NFATC3: variants seen among roughly 807,000 people sequenced by gnomAD.
NFATC3 encodes the protein nuclear factor of activated T cells 3.
A neutral mutation model predicts 98.6 loss-of-function variants in NFATC3; 46 were observed. The ratio of observed to expected loss-of-function variants is 0.47; its 90% CI spans 0.37 to 0.60. The LOEUF is 0.60. Among genes scored for constraint, NFATC3 ranks in the 20% least tolerant of loss-of-function variants. NFATC3 has a pLI of 0.00. For synonymous variants in NFATC3, 512 were observed against 472.2 expected, an observed-to-expected ratio of 1.08 and a Z score of -1.09; for missense variants, 1,256 against 1,295.5, an observed-to-expected ratio of 0.97 and a Z score of 0.47.
At position 68,168,865 on chromosome 16, in the gene NFATC3, T is replaced by TA. The variant is rs2039337128; in HGVS notation, c.1774+1851dup. Among the ~76,000 whole-genome samples, 3 of 152,208 alleles carry TA rather than the reference T, an allele frequency of 2.0e-5. No individual in the cohort carries two copies. In the South Asian group the frequency reaches 6.2e-4, roughly 32 times the overall value. On this transcript the variant is annotated intron_variant, in intron 5 of 9. Coordinates refer to ENST00000346183, the MANE Select transcript of NFATC3 (RefSeq NM_173165.3). ...TGTTCGCTGAATTGGAGTGATACTT[T>TA]ATCATTTGCCAGTTGACTCTGGGAA... is the stretch of plus-strand genomic sequence containing the variant.
chr16:68,163,820 C>T lies in NFATC3; in HGVS notation c.1602-3023C>T, dbSNP rs530913417. On this transcript the variant is annotated intron_variant, in intron 4 of 9. Coordinates refer to ENST00000346183, the MANE Select transcript of NFATC3 (RefSeq NM_173165.3). The stretch of plus-strand genomic sequence containing the variant: ...CAGACGATGGGCGGCCGGGCAGAGA[C>T]GCTCCTCACTTCCTAGATGGGATGG... Among the ~76,000 whole-genome samples, 1,012 of 151,164 alleles carry T rather than the reference C, an allele frequency of 6.7e-3. 6 individuals are homozygous for T. Among genetic ancestry groups the T allele is most frequent in the African/African-American group, 0.023 (930 of 41,042 alleles).
chr16:68,158,102 T>G, intron 4 of NFATC3, 34 bp downstream of exon 4: 1 of 1,422,212 alleles, frequency 7.0e-7, no homozygotes, highest in Non-Finnish European at 9.7e-7. Flanking sequence ...GTGCAGTTCT[T>G]TTTTTCTCTA....
rs575779522 is a variant in NFATC3, at chr16:68,155,821, C to A, written c.1402-2048C>A. Among the ~76,000 whole-genome samples the A allele has an allele frequency of 3.7e-4, 57 of 152,278 alleles. No individual in the cohort carries two copies. In the South Asian group the frequency reaches 0.011, roughly 30 times the overall value. ...TTAAAACAATAAACAACCATACACA[C>A]ACACACAAGAAAATGTGGCCCACAT... On this transcript the variant is annotated intron_variant, in intron 3 of 9. Transcript: ENST00000346183.
chr16:68,115,025 G>C (rs973211367), intron 1 of NFATC3, among the ~76,000 whole-genome samples: 1 of 151,844 alleles, frequency 6.6e-6, no homozygotes. Flanking sequence ...TGGTTTCTCC[G>C]GTGAAACACA....
rs202215746 is a variant in NFATC3, at chr16:68,157,151, GA to G, written c.1402-707del. On this transcript the variant is annotated intron_variant, in intron 3 of 9. Coordinates refer to ENST00000346183, the MANE Select transcript of NFATC3 (RefSeq NM_173165.3). ...GCCAGAGCAATTAGGCAATATAAAA[GA>G]AAAAAAAAAAGGCATAGAAAACAAA... Among the ~76,000 whole-genome samples, 808 of 139,824 alleles carry G rather than the reference GA, an allele frequency of 5.8e-3. 10 individuals are homozygous for G. Among genetic ancestry groups the G allele is most frequent in the African/African-American group, 0.018 (691 of 38,290 alleles). 91.7% of individuals were successfully genotyped at this position (139,824 alleles called of 152,430 possible).
At chr16:68,190,643 T>C in intron 8 of NFATC3, 125 bp from the exon 9 acceptor site, 1 of 860,464 alleles carries the variant, frequency 1.2e-6, no homozygotes, top group Non-Finnish European at 1.8e-6. Context: ...TTATATGAAC[T>C]GCCTTCCTTG....
intron 1 of NFATC3, among the ~76,000 whole-genome samples, chr16:68,105,411 C>G (rs1463799757): frequency 6.6e-6 from 1 of 152,060 alleles, no homozygotes; most frequent in African/African-American, 2.4e-5. Context: ...TTTCTTCACT[C>G]TATTAATATG....
At chr16:68,183,463 CT>C in intron 8 of NFATC3, 97 bp downstream of exon 8, 2 of 1,361,470 alleles carry the variant, frequency 1.5e-6, no homozygotes, top group Non-Finnish European at 2.0e-6. Context: ...AGGTAGAGTG[CT>C]TATAAACAAT....
intron 4 of NFATC3, among the ~76,000 whole-genome samples, chr16:68,163,662 G>A (rs1314454834): frequency 2.1e-5 from 3 of 140,474 alleles, no homozygotes; most frequent in South Asian, 2.3e-4. Flanking sequence ...GCTGCCGGGC[G>A]GAGGGTCTCC....
chr16:68,192,253 A>G (rs2040463778), intron 9 of NFATC3: 2 of 97,878 alleles, frequency 2.0e-5, no homozygotes, highest in Non-Finnish European at 4.4e-5. Context: ...ATATATATAT[A>G]TGTATGTGTA....
intron 9 of NFATC3, chr16:68,199,837 C>G (rs1304090281): frequency 6.6e-6 from 1 of 152,162 alleles, no homozygotes; most frequent in Non-Finnish European, 1.5e-5. Flanking sequence ...CCGCCTGCCT[C>G]AGCCTCCCAA....
At chr16:68,180,166 T>C (rs932708781) in intron 6 of NFATC3, among the ~76,000 whole-genome samples, 1 of 152,122 alleles carries the variant, frequency 6.6e-6, no homozygotes, top group African/African-American at 2.4e-5. Flanking sequence ...GTCTAAAATA[T>C]TATGTAAGGA....
chr16:68,088,294 G>A (rs2034498125), intron 1 of NFATC3, among the ~76,000 whole-genome samples: 1 of 148,088 alleles, frequency 6.8e-6, no homozygotes, highest in African/African-American at 2.5e-5. Flanking sequence ...TCAGTGCCTA[G>A]CTAGCACAGT....
chr16:68,139,704 TC>T (rs944190636), intron 3 of NFATC3, among the ~76,000 whole-genome samples: 3 of 152,230 alleles, frequency 2.0e-5, no homozygotes, highest in African/African-American at 7.2e-5. Context: ...TTTCTTTTCT[TC>T]AAAATAAGTT....
Position 68,122,014 on chromosome 16 carries a change from T to C in NFATC3, c.131T>C (p.Ile44Thr). ...CTTGAGCCAGATGATTGTGCATCCA[T>C]TTACATCTTTAATGTAGATCCACCT... ...ADLEPDDCAS[I>T]YIFNVDPPPS... Residue 44 changes from isoleucine (I) to threonine (T), a missense_variant, in exon 2 of 10, where the codon ATT (isoleucine) becomes ACT (threonine). This residue lies in a region of NFATC3 where 464 missense variants were observed against 465.7 expected (regional missense o/e 1.00). Coordinates refer to ENST00000346183, the MANE Select transcript of NFATC3 (RefSeq NM_173165.3). 6.2e-7 allele frequency: 1 copy of C among 1,612,366 alleles called. No individual in the cohort carries two copies. The highest frequency in any genetic ancestry group is 1.7e-5 in the Admixed American group (1 of 59,860).
At chr16:68,171,479 T>G (rs2039457449) in intron 5 of NFATC3, among the ~76,000 whole-genome samples, 1 of 151,020 alleles carries the variant, frequency 6.6e-6, no homozygotes, top group Non-Finnish European at 1.5e-5. Flanking sequence ...CTATCTTTTT[T>G]TTTTTTTTTC....
At chr16:68,094,676 A>G (rs2034911911) in intron 1 of NFATC3, among the ~76,000 whole-genome samples, 1 of 152,310 alleles carries the variant, frequency 6.6e-6, no homozygotes, top group South Asian at 2.1e-4. Context: ...TTTGTCATAC[A>G]TGTTACCTAG....
At chr16:68,204,327 A>G (rs2041052151) in intron 9 of NFATC3, among the ~76,000 whole-genome samples, 2 of 152,318 alleles carry the variant, frequency 1.3e-5, no homozygotes, top group Admixed American at 6.5e-5. Flanking sequence ...AGGCCACTGC[A>G]CTCCAGCCTG....
chr16:68,153,645 G>C lies in NFATC3; in HGVS notation c.1402-4224G>C, dbSNP rs771724904. Among the ~76,000 whole-genome samples the C allele has an allele frequency of 1.3e-5, 2 of 151,842 alleles. 1 individual carries two copies. Among genetic ancestry groups the C allele is most frequent in the Non-Finnish European group, 2.9e-5 (2 of 67,996 alleles). ...TTTTTATTTTTTGAGACAGAGTCTCGCTCTGTCGCCCAAGCTGGAGTACAG... is the reference window on the plus strand; with the variant it reads ...TTTTTATTTTTTGAGACAGAGTCTCCCTCTGTCGCCCAAGCTGGAGTACAG... On this transcript the variant is annotated intron_variant, in intron 3 of 9. Transcript: ENST00000346183.
Sources: allele counts gnomAD v4.1 joint callset (sites outside exome capture counted in the v4.1 genomes callset), GRCh38; gene constraint gnomAD v4.1.1; regional missense constraint gnomAD v4.1.1; transcripts MANE v1.5; gene names NCBI Gene and HGNC (gene_info 2026-07-23, HGNC 2026-07-21).